The following ADAM19 variants were observed in gnomAD, a reference collection of about 807,000 sequenced individuals.
ADAM19 encodes the protein ADAM metallopeptidase domain 19, also known as disintegrin and metalloproteinase domain-containing protein 19.
ADAM19 carries 65 observed loss-of-function variants against 114.7 expected under a neutral mutation model. That is an observed-to-expected ratio of 0.57 (90% CI 0.46 to 0.70). The LOEUF is 0.70. ADAM19 is among the 30% of genes least tolerant of loss of function. The pLI is 0.00. For synonymous variants in ADAM19, 466 were observed against 460.5 expected (o/e 1.01, Z -0.15); for missense variants, 1,063 against 1,204.7 (o/e 0.88, Z 1.74).
intron 22 of ADAM19, 22 bp from the exon 23 acceptor site, chr5:157,481,024 GGAGA>G: frequency 1.2e-6 from 2 of 1,613,990 alleles, no homozygotes; most frequent in Non-Finnish European, 1.7e-6. Flanking sequence ...AAGAAGGGAG[GGAGA>G]GAGACATCAG....
intron 9 of ADAM19, among the ~76,000 whole-genome samples, chr5:157,507,895 C>G (rs930098497): frequency 1.3e-5 from 2 of 152,152 alleles, no homozygotes; most frequent in Non-Finnish European, 2.9e-5. Context: ...TTTAAAGAAC[C>G]TATATGGAAA....
intron 3 of ADAM19, among the ~76,000 whole-genome samples, chr5:157,548,879 C>T (rs968124271): frequency 1.3e-5 from 2 of 152,182 alleles, no homozygotes; most frequent in African/African-American, 4.8e-5. Flanking sequence ...ATCACATCCT[C>T]GGAGCTGGGA....
Position 157,488,414 on chromosome 5 carries a change from C to T in ADAM19, c.2401G>A (p.Gly801Arg). The part of the protein sequence containing the change: ...PRPPPDYLRG[G>R]SPPAPLPAHL... Reference sequence around the variant, plus strand: ...GCTGGCAGTGGTGCAGGTGGGGACCCACCACGCAGATAATCTGGAGGGGGC... The same window carrying T: ...GCTGGCAGTGGTGCAGGTGGGGACCTACCACGCAGATAATCTGGAGGGGGC... The change falls in exon 21 of 23, where the codon GGG becomes AGG. Residue 801 changes from glycine to arginine, a missense_variant. Gly to Arg is a moderately radical substitution (Grantham distance 125). This residue lies in a region of ADAM19 where 424 missense variants were observed against 445.5 expected (regional missense o/e 0.95). Coordinates refer to ENST00000257527, the MANE Select transcript of ADAM19 (RefSeq NM_033274.5). The T allele has an allele frequency of 6.2e-7, 1 of 1,613,652 alleles. No individual in the cohort carries two copies. Among genetic ancestry groups the T allele is most frequent in the Non-Finnish European group, 8.5e-7 (1 of 1,179,796 alleles).
intron 7 of ADAM19, 39 bp from the exon 8 acceptor site, chr5:157,513,544 C>T (rs755173406): frequency 1.9e-6 from 3 of 1,566,616 alleles, no homozygotes; most frequent in Middle Eastern, 1.7e-4. Flanking sequence ...ATCCCAGAAC[C>T]TCTCACAGGA....
intron 3 of ADAM19, among the ~76,000 whole-genome samples, chr5:157,555,668 C>G (rs1416046240): frequency 2.0e-5 from 3 of 152,158 alleles, no homozygotes; most frequent in Non-Finnish European, 4.4e-5. Context: ...CCTCACAAAC[C>G]CTGTGTGTGT....
intron 1 of ADAM19, among the ~76,000 whole-genome samples, chr5:157,573,521 G>A (rs372005849): frequency 1.3e-4 from 20 of 152,144 alleles, no homozygotes; most frequent in African/African-American, 4.8e-5. Flanking sequence ...CGAGGCGGGC[G>A]GATCACCTGA....
chr5:157,509,356 T>C lies in ADAM19; in HGVS notation c.850A>G (p.Ser284Gly), dbSNP rs1422795. The C allele has an allele frequency of 0.36, 583,212 of 1,612,026 alleles. 110,973 individuals carry two copies. The highest frequency in any genetic ancestry group is 0.6 in the African/African-American group (44,801 of 74,890). ...NPYSTLWSFL[S>G]WRRKLLAQKY... is the part of the protein sequence containing the mutation. ...TGGGCAAGCAGCTTGCGCCTCCAACTGAGAAAGGACCAGAGGGTAGAATAT... is the reference window on the plus strand; with the variant it reads ...TGGGCAAGCAGCTTGCGCCTCCAACCGAGAAAGGACCAGAGGGTAGAATAT... The change falls in exon 9 of 23, where the codon AGT (serine) becomes GGT (glycine). Residue 284 changes from serine to glycine, a missense_variant. By Grantham distance (56) the Ser-to-Gly change is moderately conservative. Transcript: ENST00000257527.
chr5:157,527,101 G>A (rs1281789411), intron 5 of ADAM19, among the ~76,000 whole-genome samples: 1 of 152,158 alleles, frequency 6.6e-6, no homozygotes, highest in African/African-American at 2.4e-5. Context: ...GTTCTGCATG[G>A]CTGGGAGGCC....
chr5:157,484,935 C>T (rs541599219), intron 21 of ADAM19, among the ~76,000 whole-genome samples: 1 of 152,350 alleles, frequency 6.6e-6, no homozygotes, highest in South Asian at 2.1e-4. Flanking sequence ...GGGCAACCAG[C>T]CACAGGCCAC....
intron 14 of ADAM19, among the ~76,000 whole-genome samples, chr5:157,495,918 G>C (rs2113705094): frequency 6.7e-6 from 1 of 148,406 alleles, no homozygotes; most frequent in African/African-American, 2.5e-5. Context: ...ACAGGCGTGA[G>C]CCACTGTGCC....
At chr5:157,519,786 G>C (rs1248074937) in intron 6 of ADAM19, 53 bp downstream of exon 6, 1 of 1,496,482 alleles carries the variant, frequency 6.7e-7, no homozygotes, top group South Asian at 1.3e-5. Flanking sequence ...CAACCTCAGA[G>C]GGGACAAGCC....
At chr5:157,538,049 C>G (rs1756813218) in intron 3 of ADAM19, 58 bp from the exon 4 acceptor site, 1 of 1,394,856 alleles carries the variant, frequency 7.2e-7, no homozygotes, top group African/African-American at 1.4e-5. Context: ...ACCCTCCTAG[C>G]AACAACGAGT....
chr5:157,490,482 A>G, intron 18 of ADAM19, 28 bp from the exon 19 acceptor site: 2 of 1,609,080 alleles, frequency 1.2e-6, no homozygotes, highest in Non-Finnish European at 1.7e-6. Context: ...CAAGTGGGAG[A>G]TTTAGAAGCT....
chr5:157,519,785 A>AG, intron 6 of ADAM19, 54 bp downstream of exon 6: 1 of 1,477,588 alleles, frequency 6.8e-7, no homozygotes, highest in South Asian at 1.3e-5. Flanking sequence ...GCAACCTCAG[A>AG]GGGGACAAGC....
At chr5:157,569,348 G>A (rs569690270) in intron 2 of ADAM19, among the ~76,000 whole-genome samples, 14 of 147,648 alleles carry the variant, frequency 9.5e-5, no homozygotes, top group African/African-American at 1.2e-4. Context: ...GGGCTCAGGC[G>A]ATCGTCCCAC....
At chr5:157,573,294 T>C (rs1757881424) in intron 1 of ADAM19, among the ~76,000 whole-genome samples, 2 of 152,306 alleles carry the variant, frequency 1.3e-5, no homozygotes, top group South Asian at 4.1e-4. Flanking sequence ...CAGAGCATTG[T>C]TTAACAGACT....
chr5:157,519,698 CAGA>C (rs1756215183), intron 6 of ADAM19, 138 bp downstream of exon 6: 1 of 788,592 alleles, frequency 1.3e-6, no homozygotes, highest in South Asian at 2.1e-5. Context: ...TCAACAATGA[CAGA>C]ATAAAAGAAA....
intron 1 of ADAM19, among the ~76,000 whole-genome samples, chr5:157,573,731 T>TA (rs1290498508): frequency 7.6e-6 from 1 of 131,168 alleles, no homozygotes; most frequent in Non-Finnish European, 1.6e-5. Context: ...GGGCAACAGA[T>TA]AGAGACTCTG....
chr5:157,544,318 C>T (rs543413102), intron 3 of ADAM19, among the ~76,000 whole-genome samples: 2 of 152,206 alleles, frequency 1.3e-5, no homozygotes, highest in African/African-American at 4.8e-5. Flanking sequence ...CTTTAACTTC[C>T]TATTAAGGAA....
Sources: gnomAD v4.1 joint callset for allele counts (sites outside exome capture counted in the v4.1 genomes callset) on GRCh38, gnomAD v4.1.1 for gene constraint, gnomAD v4.1.1 regional missense constraint, MANE v1.5 for transcripts, NCBI Gene and HGNC (gene_info 2026-07-23, HGNC 2026-07-21) for gene names.